The following BICC1 variants were observed in gnomAD, a reference collection of about 807,000 sequenced individuals.
BICC1 encodes BicC family RNA binding protein 1.
BICC1 carries 43 observed loss-of-function variants against 111.0 expected under a neutral mutation model. That is an observed-to-expected ratio of 0.39 (90% CI 0.30 to 0.50). The LOEUF (loss-of-function observed/expected upper bound fraction) is 0.50. Among genes scored for constraint, BICC1 ranks in the 20% least tolerant of loss-of-function variants. The pLI, the probability that BICC1 is intolerant of heterozygous loss-of-function variation, is 0.88. For synonymous variants in BICC1, 467 were observed against 434.4 expected (o/e 1.07, Z -0.93); for missense variants, 1,091 against 1,203.2 (o/e 0.91, Z 1.38).
In BICC1 at chr10:58,519,768, C is replaced by G. The variant is rs529981833; in HGVS notation, c.190+6435C>G. ...TAAAGCTCTTCTCATCTTGTTACTCCTTTTATGAACAGAATCTAGGACCAC... is the reference window on the plus strand; with the variant it reads ...TAAAGCTCTTCTCATCTTGTTACTCGTTTTATGAACAGAATCTAGGACCAC... On this transcript the variant is annotated intron_variant, in intron 1 of 20. Coordinates refer to ENST00000373886, the MANE Select transcript of BICC1 (RefSeq NM_001080512.3). Among the ~76,000 whole-genome samples, 3 of 152,266 alleles carry G rather than the reference C, an allele frequency of 2.0e-5. No homozygotes were observed. In the South Asian group the frequency reaches 6.2e-4, roughly 32 times the overall value.
intron 3 of BICC1, among the ~76,000 whole-genome samples, chr10:58,735,250 T>C (rs1841432629): frequency 6.6e-6 from 1 of 152,212 alleles, no homozygotes; most frequent in African/African-American, 2.4e-5. Flanking sequence ...ACATGTAGTC[T>C]TCTGTTTGGA....
At chr10:58,512,863 G>C (rs1263311918), upstream of BICC1, among the ~76,000 whole-genome samples, 2 of 148,264 alleles carry the variant, frequency 1.3e-5, no homozygotes, top group Non-Finnish European at 3.0e-5. Flanking sequence ...CGGGCAGCGC[G>C]GCGCGCTCAT....
At chr10:58,590,690 T>C (rs541628450) in intron 1 of BICC1, among the ~76,000 whole-genome samples, 1 of 152,350 alleles carries the variant, frequency 6.6e-6, no homozygotes, top group East Asian at 1.9e-4. Context: ...CACAGCCTAA[T>C]GGAAAGTGCT....
At chr10:58,621,903 T>TTTAGAA (rs1017464932) in intron 2 of BICC1, among the ~76,000 whole-genome samples, 2 of 44,782 alleles carry the variant, frequency 4.5e-5, no homozygotes, top group African/African-American at 2.2e-4. Context: ...GTCTCTAAAA[T>TTTAGAA]TAGAATAGAA....
At chr10:58,741,051 T>A (rs921622571) in intron 3 of BICC1, among the ~76,000 whole-genome samples, 1 of 152,110 alleles carries the variant, frequency 6.6e-6, no homozygotes. Context: ...GGAAATGGAT[T>A]TGGGACCAAA....
At chr10:58,620,003 C>A (rs948628808) in intron 1 of BICC1, among the ~76,000 whole-genome samples, 2 of 152,120 alleles carry the variant, frequency 1.3e-5, no homozygotes, top group Non-Finnish European at 2.9e-5. Context: ...TTTGTCCTGG[C>A]CAGGCTTCTC....
intron 3 of BICC1, among the ~76,000 whole-genome samples, chr10:58,741,645 T>C (rs1841669275): frequency 6.6e-6 from 1 of 152,224 alleles, no homozygotes; most frequent in Admixed American, 6.5e-5. Context: ...GAGAGAGGTC[T>C]TATATCTTTG....
At chr10:58,645,949 A>G (rs929687339) in intron 2 of BICC1, among the ~76,000 whole-genome samples, 1 of 152,180 alleles carries the variant, frequency 6.6e-6, no homozygotes, top group South Asian at 2.1e-4. Flanking sequence ...GAACCCTCAC[A>G]TACGCAGTTA....
intron 2 of BICC1, among the ~76,000 whole-genome samples, chr10:58,679,604 G>A (rs1045517203): frequency 6.6e-6 from 1 of 152,084 alleles, no homozygotes; most frequent in Non-Finnish European, 1.5e-5. Flanking sequence ...TTGTACCAGA[G>A]GTACAAAGAG....
chr10:58,636,142 G>A (rs1208753426), intron 2 of BICC1, among the ~76,000 whole-genome samples: 2 of 152,178 alleles, frequency 1.3e-5, no homozygotes, highest in African/African-American at 2.4e-5. Flanking sequence ...GAATTGTGAT[G>A]TTGTGGGACT....
At chr10:58,591,529 C>CT (rs1844618739) in intron 1 of BICC1, among the ~76,000 whole-genome samples, 1 of 152,202 alleles carries the variant, frequency 6.6e-6, no homozygotes, top group South Asian at 2.1e-4. Context: ...TAATCCCACT[C>CT]TTGAATGCTT....
intron 1 of BICC1, among the ~76,000 whole-genome samples, chr10:58,535,812 T>A (rs1157097613): frequency 6.6e-6 from 1 of 151,612 alleles, no homozygotes; most frequent in Non-Finnish European, 1.5e-5. Context: ...ACAAACCAAA[T>A]ATCTGCTGTC....
intron 3 of BICC1, among the ~76,000 whole-genome samples, chr10:58,745,280 T>C (rs949010529): frequency 6.6e-6 from 1 of 152,126 alleles, no homozygotes; most frequent in Non-Finnish European, 1.5e-5. Context: ...CCGCCACTTA[T>C]TGGCTCTGTG....
intron 3 of BICC1, among the ~76,000 whole-genome samples, chr10:58,744,411 A>G (rs1160118426): frequency 6.6e-6 from 1 of 152,076 alleles, no homozygotes; most frequent in Non-Finnish European, 1.5e-5. Flanking sequence ...AAAGCCATTC[A>G]TTTGTTAAAA....
At chr10:58,746,125 T>G (rs1367231254) in intron 3 of BICC1, among the ~76,000 whole-genome samples, 1 of 152,154 alleles carries the variant, frequency 6.6e-6, no homozygotes, top group African/African-American at 2.4e-5. Flanking sequence ...ATTTGGTTAG[T>G]GCCTCTGAAG....
chr10:58,596,955 T>A (rs1178418753), intron 1 of BICC1, among the ~76,000 whole-genome samples: 1 of 152,168 alleles, frequency 6.6e-6, no homozygotes, highest in Non-Finnish European at 1.5e-5. Context: ...GAAGAATCAA[T>A]ATTGTGAAAA....
chr10:58,603,179 C>T (rs1336879103), intron 1 of BICC1, among the ~76,000 whole-genome samples: 22 of 152,148 alleles, frequency 1.4e-4, no homozygotes, highest in Non-Finnish European at 3.2e-4. Flanking sequence ...GAATCTCTTA[C>T]TTGCCTCAGA....
At chr10:58,727,328 T>C (rs970809652) in intron 3 of BICC1, among the ~76,000 whole-genome samples, 6 of 152,210 alleles carry the variant, frequency 3.9e-5, no homozygotes, top group Non-Finnish European at 5.9e-5. Context: ...GGCTCATGCC[T>C]ATAGTCCCAG....
chr10:58,784,538 T>A (rs561772465), intron 3 of BICC1, among the ~76,000 whole-genome samples: 5 of 152,324 alleles, frequency 3.3e-5, no homozygotes, highest in African/African-American at 1.2e-4. Context: ...TGAGTGGTTT[T>A]CTGGGAGAAG....
Sources: gnomAD v4.1 joint callset for allele counts (sites outside exome capture counted in the v4.1 genomes callset) on GRCh38, gnomAD v4.1.1 for gene constraint, MANE v1.5 for transcripts, NCBI Gene and HGNC (gene_info 2026-07-23, HGNC 2026-07-21) for gene names.